Variants in NSUN6 observed in about 807,000 individuals in gnomAD.
NSUN6 encodes the protein NOP2/Sun RNA methyltransferase 6, also known as tRNA (cytosine(72)-C(5))-methyltransferase NSUN6.
In NSUN6, 64 loss-of-function variants were observed where a neutral mutation model predicts 58.0. The ratio of observed to expected loss-of-function variants is 1.10; its 90% CI spans 0.90 to 1.36. The LOEUF (loss-of-function observed/expected upper bound fraction) is 1.36. NSUN6 is among the 40% of genes most tolerant of loss of function. The pLI is 0.00. For synonymous variants in NSUN6, 231 were observed against 193.9 expected, an observed-to-expected ratio of 1.19 and a Z score of -1.59; for missense variants, 701 against 550.1, an observed-to-expected ratio of 1.27 and a Z score of -2.74.
At chr10:18,648,410 T>C (rs569906291) in intron 2 of NSUN6, 80 bp downstream of exon 2, 15 of 868,286 alleles carry the variant, frequency 1.7e-5, no homozygotes, top group African/African-American at 1.7e-4. Flanking sequence ...GTGTATTATA[T>C]CATTCATAGG....
intron 10 of NSUN6, among the ~76,000 whole-genome samples, chr10:18,546,779 G>A (rs774514435): frequency 2.6e-5 from 4 of 152,064 alleles, no homozygotes; most frequent in South Asian, 2.1e-4. Context: ...TTGGGAGGCT[G>A]AGGCATGAGA....
intron 8 of NSUN6, among the ~76,000 whole-genome samples, chr10:18,558,892 T>C (rs1040130184): frequency 1.7e-4 from 24 of 143,134 alleles, no homozygotes; most frequent in Middle Eastern, 4.3e-3. Flanking sequence ...CAATGGTGAA[T>C]AGAATGGAGT....
chr10:18,558,484 T>G (rs533221038), intron 8 of NSUN6, among the ~76,000 whole-genome samples: 1 of 145,316 alleles, frequency 6.9e-6, no homozygotes. Context: ...GAAAAAGGAA[T>G]AGAATATGGA....
intron 7 of NSUN6, among the ~76,000 whole-genome samples, chr10:18,594,740 GC>G (rs2057518553): frequency 6.6e-6 from 1 of 152,080 alleles, no homozygotes; most frequent in Non-Finnish European, 1.5e-5. Flanking sequence ...CTGCATTGCT[GC>G]CCCACTGTGG....
chr10:18,651,665 C>T (rs1488343094), upstream of NSUN6: 1 of 985,942 alleles, frequency 1.0e-6, no homozygotes, highest in Non-Finnish European at 1.2e-6. Context: ...CTGCGGCCCA[C>T]CCCTCCCTTT....
intron 9 of NSUN6, among the ~76,000 whole-genome samples, chr10:18,549,648 T>C (rs1472754374): frequency 1.3e-5 from 2 of 152,216 alleles, no homozygotes; most frequent in Non-Finnish European, 2.9e-5. Flanking sequence ...ACAGGAGATC[T>C]ATGAGTATTT....
rs371652705 is a variant in NSUN6, at chr10:18,591,967, C to T, written c.777+4241G>A. ...ATGACATGACTGTATATGTAGAAAACCCCATCGTCTCAGCCCAAAAACTCC... is the reference window on the plus strand; with the variant it reads ...ATGACATGACTGTATATGTAGAAAATCCCATCGTCTCAGCCCAAAAACTCC... On this transcript the variant is annotated intron_variant, in intron 7 of 10. Coordinates refer to ENST00000377304, the MANE Select transcript of NSUN6 (RefSeq NM_182543.5). Among the ~76,000 whole-genome samples, 138 of 152,172 alleles carry T rather than the reference C, an allele frequency of 9.1e-4. 1 individual carries two copies. The East Asian group carries it at 0.01, about 11-fold the overall frequency.
intron 8 of NSUN6, among the ~76,000 whole-genome samples, chr10:18,564,631 C>T (rs1209609060): frequency 7.4e-5 from 11 of 149,058 alleles, no homozygotes; most frequent in African/African-American, 2.5e-4. Context: ...CTCACTCTCC[C>T]TTCCATTCCA....
intron 5 of NSUN6, among the ~76,000 whole-genome samples, chr10:18,612,356 A>T (rs532825469): frequency 2.0e-5 from 3 of 152,206 alleles, no homozygotes; most frequent in Non-Finnish European, 4.4e-5. Flanking sequence ...CAGGAATTCA[A>T]GGTTATAGTG....
intron 3 of NSUN6, among the ~76,000 whole-genome samples, chr10:18,641,456 C>T (rs912548745): frequency 1.3e-5 from 2 of 151,738 alleles, no homozygotes; most frequent in African/African-American, 2.4e-5. Flanking sequence ...GCCTCCACCT[C>T]CCAGGCTCAA....
chr10:18,572,478 T>A (rs1690649356), intron 8 of NSUN6, among the ~76,000 whole-genome samples: 1 of 150,326 alleles, frequency 6.7e-6, no homozygotes, highest in African/African-American at 2.4e-5. Flanking sequence ...CCAATTAAAT[T>A]CCCCATTCCA....
intron 3 of NSUN6, among the ~76,000 whole-genome samples, chr10:18,627,559 G>C (rs533948860): frequency 1.3e-5 from 2 of 152,192 alleles, no homozygotes; most frequent in South Asian, 2.1e-4. Context: ...TGCGCGCACC[G>C]TGCCCGAGCC....
chr10:18,612,995 A>G (rs2131338011), intron 5 of NSUN6, among the ~76,000 whole-genome samples: 1 of 152,346 alleles, frequency 6.6e-6, no homozygotes, highest in East Asian at 1.9e-4. Flanking sequence ...TATAAATAAG[A>G]AACAGGGTGT....
intron 6 of NSUN6, among the ~76,000 whole-genome samples, chr10:18,605,840 T>TA (rs1046496069): frequency 2.6e-5 from 4 of 151,982 alleles, no homozygotes; most frequent in African/African-American, 9.7e-5. Context: ...AGGGATCTAA[T>TA]AAAAAAATAC....
chr10:18,582,295 C>A (rs1005336233), intron 8 of NSUN6, among the ~76,000 whole-genome samples: 9 of 152,254 alleles, frequency 5.9e-5, no homozygotes, highest in African/African-American at 1.9e-4. Flanking sequence ...CTGACATTCC[C>A]GGTTGTGGAG....
At chr10:18,576,432 GC>G (rs1379386667) in intron 8 of NSUN6, among the ~76,000 whole-genome samples, 1 of 152,126 alleles carries the variant, frequency 6.6e-6, no homozygotes, top group Non-Finnish European at 1.5e-5. Context: ...GAGCTTTTAT[GC>G]CATAGTTGGT....
upstream of NSUN6, chr10:18,652,995 T>G: frequency 1.0e-6 from 1 of 985,152 alleles, no homozygotes; most frequent in Non-Finnish European, 1.2e-6. Context: ...CCATAGCATA[T>G]TTCTTCAATA....
chr10:18,634,546 T>C (rs1374340647), intron 3 of NSUN6, among the ~76,000 whole-genome samples: 3 of 151,448 alleles, frequency 2.0e-5, no homozygotes, highest in Non-Finnish European at 4.4e-5. Flanking sequence ...AGTCAGGAGA[T>C]TGAGACCATC....
intron 7 of NSUN6, among the ~76,000 whole-genome samples, chr10:18,587,313 T>C (rs530342642): frequency 2.1e-3 from 316 of 152,254 alleles, no homozygotes; most frequent in Non-Finnish European, 2.8e-3. Context: ...TTTTAATATT[T>C]CCCAGCTAGC....
Sources: allele counts gnomAD v4.1 joint callset (sites outside exome capture counted in the v4.1 genomes callset), GRCh38; gene constraint gnomAD v4.1.1; transcripts MANE v1.5; gene names NCBI Gene and HGNC (gene_info 2026-07-23, HGNC 2026-07-21).